Variants in SLC24A2 observed in about 807,000 individuals in gnomAD.
The protein encoded by SLC24A2 is sodium/potassium/calcium exchanger 2.
In SLC24A2, 36 loss-of-function variants were observed where a neutral mutation model predicts 62.0. The ratio of observed to expected loss-of-function variants is 0.58; its 90% CI spans 0.44 to 0.77. The LOEUF is 0.77. Among genes scored for constraint, SLC24A2 ranks in the 30% least tolerant of loss-of-function variants. The probability of loss-of-function intolerance (pLI) is 0.00; values close to 1 mark genes in which losing one functional copy is unlikely to be tolerated. For missense variants in SLC24A2, 846 were observed against 817.9 expected (o/e 1.03, Z -0.42); for synonymous variants, 358 against 294.0 (o/e 1.22, Z -2.23).
chr9:20,140,709 C>G, the SLC24A2 span, among the ~76,000 whole-genome samples: 1 of 152,248 alleles, frequency 6.6e-6, no homozygotes, highest in South Asian at 2.1e-4. Flanking sequence ...TGATAATGGT[C>G]CATCTCCAGG....
At chr9:20,288,597 T>C in the SLC24A2 span, among the ~76,000 whole-genome samples, 1 of 152,038 alleles carries the variant, frequency 6.6e-6, no homozygotes, top group African/African-American at 2.4e-5. Flanking sequence ...GGCGAAAACC[T>C]ATCTCTACTA....
the SLC24A2 span, among the ~76,000 whole-genome samples, chr9:19,828,888 C>T: frequency 3.3e-5 from 5 of 152,080 alleles, no homozygotes; most frequent in Admixed American, 1.3e-4. Flanking sequence ...TTGGCTCCAT[C>T]CCAACATCCT....
the SLC24A2 span, among the ~76,000 whole-genome samples, chr9:20,257,375 G>T: frequency 6.6e-6 from 1 of 152,190 alleles, no homozygotes; most frequent in Non-Finnish European, 1.5e-5. Context: ...ATAGTTTTCA[G>T]TCAAATTGTA....
rs1564009965 is a variant in SLC24A2 at position 19,636,371 on chromosome 9, CTTTCTTTCTTT to C, written c.931-14083_931-14073del. Among the ~76,000 whole-genome samples the C allele has an allele frequency of 1.2e-4, 4 of 33,550 alleles. 1 individual carries two copies. Among genetic ancestry groups the C allele is most frequent in the African/African-American group, 5.2e-4 (4 of 7,754 alleles). 22.0% of individuals were successfully genotyped at this position (33,550 alleles called of 152,430 possible). Reference sequence around the variant, plus strand: ...TCTTTCTTTCTTTCTTTCTTTCTTTCTTTCTTTCTTTCTTTCTCCCTCTCTCTCTCTCTCTC... The same window carrying C: ...TCTTTCTTTCTTTCTTTCTTTCTTTCCTTTCTCCCTCTCTCTCTCTCTCTC... On this transcript the variant is annotated intron_variant, in intron 2 of 10. Coordinates refer to ENST00000341998, the MANE Select transcript of SLC24A2 (RefSeq NM_020344.4).
At chr9:19,695,904 A>C (rs1394636692) in intron 2 of SLC24A2, among the ~76,000 whole-genome samples, 1 of 152,172 alleles carries the variant, frequency 6.6e-6, no homozygotes, top group African/African-American at 2.4e-5. Context: ...ATACAAAGTT[A>C]ACAAGCTTTG....
chr9:19,966,364 C>T, the SLC24A2 span, among the ~76,000 whole-genome samples: 1 of 152,128 alleles, frequency 6.6e-6, no homozygotes, highest in Non-Finnish European at 1.5e-5. Context: ...TGGTGTAAAA[C>T]TTAACTCATT....
the SLC24A2 span, among the ~76,000 whole-genome samples, chr9:19,794,439 G>A: frequency 6.6e-6 from 1 of 151,858 alleles, no homozygotes; most frequent in African/African-American, 2.4e-5. Context: ...CAATAAACAT[G>A]GAGGCCTACT....
intron 2 of SLC24A2, among the ~76,000 whole-genome samples, chr9:19,672,123 G>A (rs557419661): frequency 6.8e-6 from 1 of 146,578 alleles, no homozygotes; most frequent in South Asian, 2.2e-4. Flanking sequence ...AGTGTCAATA[G>A]GATTGGTACC....
the SLC24A2 span, among the ~76,000 whole-genome samples, chr9:20,210,599 G>A: frequency 0.011 from 1,496 of 141,874 alleles, 29 homozygotes; most frequent in African/African-American, 0.037. Flanking sequence ...TCAGCCTCCC[G>A]AGTAGCTGGG....
the SLC24A2 span, among the ~76,000 whole-genome samples, chr9:20,098,913 T>G: frequency 6.6e-6 from 1 of 152,236 alleles, no homozygotes; most frequent in Admixed American, 6.5e-5. Flanking sequence ...CTGCCACTGA[T>G]TTTAGACCCT....
the SLC24A2 span, among the ~76,000 whole-genome samples, chr9:20,296,352 A>T: frequency 6.6e-6 from 1 of 152,230 alleles, no homozygotes; most frequent in African/African-American, 2.4e-5. Flanking sequence ...CTATGCTATG[A>T]GTTTTATCTT....
the SLC24A2 span, among the ~76,000 whole-genome samples, chr9:20,158,053 A>G: frequency 6.6e-6 from 1 of 151,696 alleles, no homozygotes; most frequent in African/African-American, 2.4e-5. Flanking sequence ...AAAATAAATT[A>G]ATATTCTTAA....
intron 2 of SLC24A2, among the ~76,000 whole-genome samples, chr9:19,636,316 TTTC>T (rs1818330564): frequency 5.1e-4 from 5 of 9,826 alleles, no homozygotes; most frequent in Non-Finnish European, 9.2e-4. Flanking sequence ...TTTCTTTTCT[TTTC>T]TTTCTTTCTT....
At chr9:19,790,480 G>T (rs183015462), upstream of SLC24A2, among the ~76,000 whole-genome samples, 7 of 142,466 alleles carry the variant, frequency 4.9e-5, no homozygotes, top group African/African-American at 1.8e-4. Flanking sequence ...GTCAAGAAGG[G>T]GACAATTCAA....
At chr9:19,853,784 T>C in the SLC24A2 span, among the ~76,000 whole-genome samples, 1 of 152,212 alleles carries the variant, frequency 6.6e-6, no homozygotes, top group African/African-American at 2.4e-5. Context: ...GTTGTACCTC[T>C]GCCAGGTTTT....
At chr9:19,792,455 G>T (rs1441452306), upstream of SLC24A2, among the ~76,000 whole-genome samples, 1 of 150,646 alleles carries the variant, frequency 6.6e-6, no homozygotes, top group Non-Finnish European at 1.5e-5. Context: ...AGCACTTTAG[G>T]AGGCTGAGGT....
intron 10 of SLC24A2, 84 bp downstream of exon 10, chr9:19,520,810 T>G: frequency 1.5e-6 from 2 of 1,316,412 alleles, no homozygotes; most frequent in Non-Finnish European, 2.2e-6. Flanking sequence ...GGTTCAGAGA[T>G]CCTGGTCATG....
chr9:20,196,470 C>T, the SLC24A2 span, among the ~76,000 whole-genome samples: 1 of 152,118 alleles, frequency 6.6e-6, no homozygotes, highest in African/African-American at 2.4e-5. Context: ...GAATTTATCG[C>T]CTTTATTTAA....
At chr9:19,832,680 G>A in the SLC24A2 span, among the ~76,000 whole-genome samples, 1 of 152,108 alleles carries the variant, frequency 6.6e-6, no homozygotes, top group Non-Finnish European at 1.5e-5. Flanking sequence ...CATAGGCATG[G>A]GCAAGGACTT....
Sources: gnomAD v4.1 joint callset for allele counts (sites outside exome capture counted in the v4.1 genomes callset) on GRCh38, gnomAD v4.1.1 for gene constraint, MANE v1.5 for transcripts, NCBI Gene and HGNC (gene_info 2026-07-23, HGNC 2026-07-21) for gene names.